PRDM2: variants seen among roughly 807,000 people sequenced by gnomAD.
PRDM2 encodes the protein PR domain zinc finger protein 2.
A neutral mutation model predicts 130.0 loss-of-function variants in PRDM2; 30 were observed. That is an observed-to-expected ratio of 0.23 (90% CI 0.17 to 0.31). PRDM2 has a LOEUF of 0.31. Among genes scored for constraint, PRDM2 ranks in the 10% least tolerant of loss-of-function variants. The probability of loss-of-function intolerance (pLI) is 1.00; values close to 1 mark genes in which losing one functional copy is unlikely to be tolerated. For missense variants in PRDM2, 2,011 were observed against 2,108.4 expected (o/e 0.95, Z 0.90); for synonymous variants, 871 against 782.4 (o/e 1.11, Z -1.89).
At chr1:13,725,635 A>T (rs1642887749) in intron 2 of PRDM2, among the ~76,000 whole-genome samples, 1 of 152,280 alleles carries the variant, frequency 6.6e-6, no homozygotes, top group Non-Finnish European at 1.5e-5. Flanking sequence ...TTCATAAATC[A>T]GAAAAATTTA....
intron 8 of PRDM2, chr1:13,787,398 C>T (rs1644764118): frequency 1.0e-6 from 1 of 984,306 alleles, no homozygotes; most frequent in African/African-American, 1.7e-5. Context: ...ATCATTTATC[C>T]TTACATTTTA....
In PRDM2 at chr1:13,778,971, C is replaced by T. The variant is rs764533500; in HGVS notation, c.1176C>T (p.Cys392=). Residue 392 remains cysteine (C), a synonymous_variant, in exon 8 of 10, where the codon TGC becomes TGT. Coordinates refer to ENST00000311066, the MANE Select transcript of PRDM2 (RefSeq NM_001393986.1). ...CCACCGTCAATCATGCTTTCAAATG[C>T]AAGTACTGTGGGAAAGCCTTTGGCA... is the stretch of plus-strand genomic sequence containing the variant. ...HISTVNHAFK[C]KYCGKAFGTQ... 15 of 1,614,218 alleles carry T rather than the reference C, an allele frequency of 9.3e-6. No homozygotes were observed. Among genetic ancestry groups the T allele is most frequent in the Non-Finnish European group, 1.3e-5 (15 of 1,180,036 alleles).
Position 13,811,402 on chromosome 1 carries a change from G to A in PRDM2, c.5037-5025G>A, listed in dbSNP as rs530586439. Among the ~76,000 whole-genome samples the A allele has an allele frequency of 9.8e-4, 149 of 151,424 alleles. 5 individuals carry two copies. The South Asian group carries it at 0.03, about 31-fold the overall frequency. ...TGTGCTCGCCCCCTGCTGGCTGATG[G>A]GGCATCCCCTTGTAACTGGAGGCAG... is the stretch of plus-strand genomic sequence containing the variant. On this transcript the variant is annotated intron_variant, in intron 8 of 9. Transcript: ENST00000311066.
intron 1 of PRDM2, among the ~76,000 whole-genome samples, chr1:13,710,809 G>A (rs1460577381): frequency 3.3e-5 from 5 of 152,178 alleles, no homozygotes; most frequent in African/African-American, 7.2e-5. Context: ...GCATTTGGCC[G>A]GGCGCGGTGG....
chr1:13,719,938 A>G (rs1036005098), intron 2 of PRDM2, among the ~76,000 whole-genome samples: 8 of 152,198 alleles, frequency 5.3e-5, no homozygotes, highest in African/African-American at 1.9e-4. Flanking sequence ...GATTATTATT[A>G]GTCTATTGTA....
At chr1:13,702,662 G>C (rs1056656117) in intron 1 of PRDM2, among the ~76,000 whole-genome samples, 5 of 152,104 alleles carry the variant, frequency 3.3e-5, no homozygotes, top group African/African-American at 1.2e-4. Flanking sequence ...TCTTTAAGCA[G>C]CCTGTTTCTT....
intron 2 of PRDM2, among the ~76,000 whole-genome samples, chr1:13,717,771 G>A (rs1398438899): frequency 1.3e-5 from 2 of 151,850 alleles, no homozygotes; most frequent in African/African-American, 4.8e-5. Context: ...GATCCCAAAT[G>A]CCAAGTATCA....
chr1:13,790,358 C>T lies in PRDM2; in HGVS notation c.5036+7527C>T, dbSNP rs952152660. On this transcript the variant is annotated intron_variant, in intron 8 of 9. Transcript: ENST00000311066. ...CCGTTCTTTCTAAGGCTGGCGGGGC[C>T]GTGCATCTGGCGTTGGGGCATCAGG... 3.3e-5 allele frequency among the ~76,000 whole-genome samples: 5 copies of T among 152,250 alleles called. No homozygotes were observed. The East Asian group carries it at 7.7e-4, about 24-fold the overall frequency.
intron 8 of PRDM2, among the ~76,000 whole-genome samples, chr1:13,807,967 C>T (rs1021182281): frequency 3.9e-5 from 6 of 152,126 alleles, no homozygotes; most frequent in Non-Finnish European, 7.4e-5. Context: ...TGTATGACAT[C>T]CCCCTGTGCT....
chr1:13,776,451 C>T (rs896012698), intron 7 of PRDM2, among the ~76,000 whole-genome samples: 2 of 152,172 alleles, frequency 1.3e-5, no homozygotes, highest in Admixed American at 6.5e-5. Flanking sequence ...AGCACGAAAC[C>T]GCGATTACAG....
chr1:13,796,529 G>A (rs901660354), intron 8 of PRDM2, among the ~76,000 whole-genome samples: 1 of 152,184 alleles, frequency 6.6e-6, no homozygotes, highest in African/African-American at 2.4e-5. Flanking sequence ...GCTGAGGCGG[G>A]AGGATCATTT....
intron 4 of PRDM2, among the ~76,000 whole-genome samples, chr1:13,733,907 G>T (rs1360895586): frequency 6.6e-6 from 1 of 152,128 alleles, no homozygotes; most frequent in Non-Finnish European, 1.5e-5. Flanking sequence ...CATTAACATA[G>T]AAAAGCCTAA....
chr1:13,763,895 C>T (rs1032729491), intron 6 of PRDM2, among the ~76,000 whole-genome samples: 5 of 152,062 alleles, frequency 3.3e-5, no homozygotes, highest in African/African-American at 4.8e-5. Flanking sequence ...GTGGATATAT[C>T]GTAGCCTGAT....
intron 6 of PRDM2, among the ~76,000 whole-genome samples, chr1:13,751,696 C>G (rs568554549): frequency 6.6e-6 from 1 of 152,016 alleles, no homozygotes; most frequent in Admixed American, 6.6e-5. Context: ...TACATAGAGC[C>G]GACAGGTAGA....
chr1:13,784,452 A>G (rs1387112956), intron 8 of PRDM2, among the ~76,000 whole-genome samples: 3 of 152,210 alleles, frequency 2.0e-5, no homozygotes, highest in Non-Finnish European at 4.4e-5. Flanking sequence ...TGTCTTCAGT[A>G]TTATCTAAAA....
At chr1:13,787,577 T>TA in intron 8 of PRDM2, 1 of 979,574 alleles carries the variant, frequency 1.0e-6, no homozygotes. Context: ...CCCATTTTGT[T>TA]ACATTTCTGT....
At chr1:13,818,782 A>G (rs1645300470) in intron 9 of PRDM2, among the ~76,000 whole-genome samples, 1 of 152,028 alleles carries the variant, frequency 6.6e-6, no homozygotes, top group Non-Finnish European at 1.5e-5. Context: ...ACTCTTGCCC[A>G]GAGAGTCTGT....
intron 1 of PRDM2, among the ~76,000 whole-genome samples, chr1:13,713,341 A>G (rs1362824286): frequency 6.6e-6 from 1 of 152,176 alleles, no homozygotes; most frequent in Non-Finnish European, 1.5e-5. Flanking sequence ...AAAATTGGTG[A>G]AATGTAGTTA....
intron 5 of PRDM2, among the ~76,000 whole-genome samples, chr1:13,748,963 G>A (rs915181596): frequency 6.6e-6 from 1 of 152,150 alleles, no homozygotes; most frequent in African/African-American, 2.4e-5. Context: ...TCAGCACTCC[G>A]CTTTCCACAC....
Sources: allele counts gnomAD v4.1 joint callset (sites outside exome capture counted in the v4.1 genomes callset), GRCh38; gene constraint gnomAD v4.1.1; transcripts MANE v1.5; gene names NCBI Gene and HGNC (gene_info 2026-07-23, HGNC 2026-07-21).